The following ZNF821 variants were observed in gnomAD, a reference collection of about 807,000 sequenced individuals.
The protein encoded by ZNF821 is zinc finger protein 821.
ZNF821 carries 16 observed loss-of-function variants against 44.3 expected under a neutral mutation model. The ratio of observed to expected loss-of-function variants is 0.36; its 90% CI spans 0.24 to 0.55. ZNF821 has a LOEUF of 0.55. ZNF821 is among the 20% of genes least tolerant of loss of function. ZNF821 has a pLI of 0.86. For synonymous variants in ZNF821, 204 were observed against 197.6 expected, an observed-to-expected ratio of 1.03 and a Z score of -0.27; for missense variants, 436 against 547.6, an observed-to-expected ratio of 0.80 and a Z score of 2.03.
intron 3 of ZNF821, among the ~76,000 whole-genome samples, chr16:71,876,541 T>C (rs541338689): frequency 6.6e-6 from 1 of 152,078 alleles, no homozygotes; most frequent in South Asian, 2.1e-4. Flanking sequence ...GGAGAAACAA[T>C]CCTAAACCCC....
At chr16:71,884,384 C>T (rs1199344521), upstream of ZNF821, among the ~76,000 whole-genome samples, 1 of 152,102 alleles carries the variant, frequency 6.6e-6, no homozygotes, top group African/African-American at 2.4e-5. Flanking sequence ...CCGGAACCCC[C>T]CGCCTCGCCC....
rs1016330950 is a variant in ZNF821, at chr16:71,892,469, C to T, written n.448+2420G>A. Among the ~76,000 whole-genome samples, 91 of 151,250 alleles carry T rather than the reference C, an allele frequency of 6.0e-4. 1 individual carries two copies. The highest frequency in any genetic ancestry group is 8.6e-4 in the Admixed American group (13 of 15,140). ...ATTTTTAGTAGAGACGGGGTTTCAC[C>T]GTGTTAGCCAGGATGGTCTCTATCT... On this transcript the variant is annotated intron_variant and non_coding_transcript_variant, in intron 1 of 2. Transcript: ENST00000561700.
intron 6 of ZNF821, among the ~76,000 whole-genome samples, chr16:71,863,619 G>A (rs1308938716): frequency 1.3e-5 from 2 of 151,898 alleles, no homozygotes; most frequent in African/African-American, 4.8e-5. Context: ...GAACTCCTGA[G>A]GTTAAGCAAT....
Position 71,860,755 on chromosome 16 carries a change from A to T in ZNF821, c.585-83T>A. On this transcript the variant is annotated intron_variant, in intron 7 of 7. Coordinates refer to ENST00000425432, the MANE Select transcript of ZNF821 (RefSeq NM_001201552.2). The surrounding 1 kb of genome is among the most constrained non-coding windows in gnomAD (Gnocchi z 7.3). ...AGCCCTGCCTTATTCTTTTCCTATGAGGCCAGTGGCTCCACGCTCACCACA... is the reference window on the plus strand; with the variant it reads ...AGCCCTGCCTTATTCTTTTCCTATGTGGCCAGTGGCTCCACGCTCACCACA... 2 of 1,427,002 alleles carry T rather than the reference A, an allele frequency of 1.4e-6. No homozygotes were observed. The highest frequency in any genetic ancestry group is 1.9e-6 in the Non-Finnish European group (2 of 1,062,334). The allele number at this position is 1,427,002 out of a possible 1,614,324, so 88.4% of individuals were successfully genotyped here.
chr16:71,883,138 G>C (rs1331379870), intron 2 of ZNF821, 73 bp downstream of exon 2: 4 of 456,254 alleles, frequency 8.8e-6, no homozygotes, highest in Non-Finnish European at 1.8e-5. Context: ...CAGCGTCTAG[G>C]GCACACCACA....
chr16:71,888,076 C>A (rs4788448), upstream of ZNF821, among the ~76,000 whole-genome samples: 51,664 of 151,808 alleles, frequency 0.34, 9,430 homozygotes, highest in East Asian at 0.66. Flanking sequence ...GGGGTCTCAC[C>A]ATGTTGCTCA....
chr16:71,873,422 T>A (rs937704648), intron 3 of ZNF821, among the ~76,000 whole-genome samples: 1 of 152,212 alleles, frequency 6.6e-6, no homozygotes, highest in Admixed American at 6.5e-5. Flanking sequence ...CCATAACTAA[T>A]AACAATTTTG....
Position 71,860,150 on chromosome 16 carries a change from C to G in ZNF821, c.1107G>C (p.Gln369His), listed in dbSNP as rs745997104. 1 of 1,614,254 alleles carries G rather than the reference C, an allele frequency of 6.2e-7. No individual in the cohort carries two copies. Among genetic ancestry groups the G allele is most frequent in the South Asian group, 1.1e-5 (1 of 91,086 alleles). The change falls in exon 8 of 8, where the codon CAG (glutamine) becomes CAC (histidine). Residue 369 changes from glutamine to histidine, a missense_variant. Gln to His is a conservative substitution (Grantham distance 24). Transcript: ENST00000425432. The surrounding 1 kb of genome is among the most constrained non-coding windows in gnomAD (Gnocchi z 7.3). ...MDMMLRAQFGQDPSAMAALAA... is the reference protein window; with the variant it reads ...MDMMLRAQFGHDPSAMAALAA... ...CTAAGGCTGCCATGGCAGAAGGGTCCTGGCCAAACTGAGCTCGCAACATCA... is the reference window on the plus strand; with the variant it reads ...CTAAGGCTGCCATGGCAGAAGGGTCGTGGCCAAACTGAGCTCGCAACATCA...
intron 1 of ZNF821, chr16:71,883,666 G>GC (rs1567447503): frequency 2.0e-5 from 3 of 152,228 alleles, no homozygotes; most frequent in Non-Finnish European, 4.4e-5. Flanking sequence ...CCGCGCAAAA[G>GC]CCCCCCGGCC....
chr16:71,885,475 A>G (rs2036815826), upstream of ZNF821: 1 of 152,252 alleles, frequency 6.6e-6, no homozygotes, highest in African/African-American at 2.4e-5. Context: ...TTGTTGTGCC[A>G]GTTAAGTAAA....
At chr16:71,864,057 G>T in intron 6 of ZNF821, 81 bp downstream of exon 6, 1 of 1,291,282 alleles carries the variant, frequency 7.7e-7, no homozygotes, top group Non-Finnish European at 1.1e-6. Context: ...GCCAGAGAGA[G>T]ACAAAGGCCA....
chr16:71,877,497 C>T (rs929227836), intron 3 of ZNF821, among the ~76,000 whole-genome samples: 2 of 151,862 alleles, frequency 1.3e-5, no homozygotes. Context: ...TGGGCTCATG[C>T]AATCCTCCTG....
intron 3 of ZNF821, among the ~76,000 whole-genome samples, chr16:71,869,335 C>G (rs554426327): frequency 6.6e-6 from 1 of 152,168 alleles, no homozygotes; most frequent in Non-Finnish European, 1.5e-5. Flanking sequence ...AAATGGTGAG[C>G]TGACCTGCAC....
At chr16:71,868,514 A>G (rs2034806354) in intron 3 of ZNF821, among the ~76,000 whole-genome samples, 1 of 152,164 alleles carries the variant, frequency 6.6e-6, no homozygotes, top group Admixed American at 6.6e-5. Flanking sequence ...CTTCTAAATA[A>G]CAATCTCTCT....
chr16:71,860,959 C>T lies in ZNF821; in HGVS notation c.585-287G>A, dbSNP rs1156963849. Among the ~76,000 whole-genome samples, 1 of 151,852 alleles carries T rather than the reference C, an allele frequency of 6.6e-6. No homozygotes were observed. The highest frequency in any genetic ancestry group is 1.5e-5 in the Non-Finnish European group (1 of 67,958). On this transcript the variant is annotated intron_variant, in intron 7 of 7. Coordinates refer to ENST00000425432, the MANE Select transcript of ZNF821 (RefSeq NM_001201552.2). The surrounding 1 kb of genome is among the most constrained non-coding windows in gnomAD (Gnocchi z 7.3). ...CAACCTCCGCCTCCTAGGTTCAAGCCATTCTCCTGCCTCAGCCTCCTGAGT... is the reference window on the plus strand; with the variant it reads ...CAACCTCCGCCTCCTAGGTTCAAGCTATTCTCCTGCCTCAGCCTCCTGAGT...
Position 71,860,301 on chromosome 16 carries a change from C to G in ZNF821, c.956G>C (p.Arg319Pro). Residue 319 changes from arginine to proline, a missense_variant, in exon 8 of 8, where the codon CGG becomes CCG. By Grantham distance (103) the Arg-to-Pro change is moderately radical (BLOSUM62 -2). Around this residue, in one of 5 missense-constraint regions of ZNF821, gnomAD observed 72 missense variants for 133.3 expected, o/e 0.54. Transcript: ENST00000425432. This position sits in a 1 kb window ranked among gnomAD's most constrained non-coding sequence, Gnocchi z 7.3. ...MQETDEQRAR[R>P]LQRDREAMRL... ...CATGGCCTCCCGATCCCGCTGCAGCCGGCGTGCCCGCTGCTCGTCTGTCTC... is the reference window on the plus strand; with the variant it reads ...CATGGCCTCCCGATCCCGCTGCAGCGGGCGTGCCCGCTGCTCGTCTGTCTC... 1 of 1,613,104 alleles carries G rather than the reference C, an allele frequency of 6.2e-7. No homozygotes were observed. The highest frequency in any genetic ancestry group is 1.1e-5 in the South Asian group (1 of 91,078).
intron 4 of ZNF821, among the ~76,000 whole-genome samples, chr16:71,867,449 G>T (rs2034673306): frequency 6.6e-6 from 1 of 152,136 alleles, no homozygotes; most frequent in African/African-American, 2.4e-5. Context: ...CACTTTGGGA[G>T]GCCGAGGTGA....
intron 1 of ZNF821, chr16:71,894,698 C>CT (rs35889170): frequency 0.085 from 37,602 of 442,350 alleles, 512 homozygotes; most frequent in East Asian, 0.094. Context: ...TAATTTTTAA[C>CT]TTTTTTTTTT....
chr16:71,885,624 C>T (rs2036821434), upstream of ZNF821, among the ~76,000 whole-genome samples: 1 of 152,162 alleles, frequency 6.6e-6, no homozygotes, highest in African/African-American at 2.4e-5. Flanking sequence ...AATTGTCTTT[C>T]CCCTAAATCT....
Sources: allele counts gnomAD v4.1 joint callset (sites outside exome capture counted in the v4.1 genomes callset), GRCh38; gene constraint gnomAD v4.1.1; regional missense constraint gnomAD v4.1.1; non-coding constraint Gnocchi (gnomAD v3.1); transcripts MANE v1.5; gene names NCBI Gene and HGNC (gene_info 2026-07-23, HGNC 2026-07-21).